Variants in ZC3H12B observed in about 807,000 individuals in gnomAD.
ZC3H12B encodes zinc finger CCCH-type containing 12B.
ZC3H12B carries 7 observed loss-of-function variants against 43.9 expected under a neutral mutation model. The observed-to-expected ratio is 0.16, with a 90% CI of 0.09 to 0.30. ZC3H12B has a LOEUF of 0.30. Ranked by LOEUF, ZC3H12B falls within the 10% of genes least tolerant of loss-of-function variation. ZC3H12B has a pLI of 1.00. For missense variants in ZC3H12B, 475 were observed against 670.2 expected (o/e 0.71, Z 3.22); for synonymous variants, 222 against 241.7 (o/e 0.92, Z 0.76).
At chrX:65,212,098 G>C in the ZC3H12B span, among the ~76,000 whole-genome samples, 15 of 53,711 alleles carry the variant, frequency 2.8e-4, no homozygotes, top group South Asian at 1.4e-3. Flanking sequence ...ATAATATATA[G>C]TATATATTGT....
At chrX:65,411,186 G>C (rs1234952564) in intron 3 of ZC3H12B, among the ~76,000 whole-genome samples, 1 of 112,122 alleles carries the variant, frequency 8.9e-6, no homozygotes, top group Admixed American at 9.4e-5. Flanking sequence ...ATTATGTTAA[G>C]TAAAATAAGC....
chrX:65,322,255 C>A, the ZC3H12B span, among the ~76,000 whole-genome samples: 2 of 111,565 alleles, frequency 1.8e-5, no homozygotes, highest in African/African-American at 6.5e-5. Flanking sequence ...ACTCACCCAC[C>A]ATCCCCCACC....
chrX:65,173,047 C>T, the ZC3H12B span, among the ~76,000 whole-genome samples: 2 of 112,027 alleles, frequency 1.8e-5, no homozygotes, highest in African/African-American at 3.2e-5. Flanking sequence ...TTGATTCTTC[C>T]TGTCCATGAG....
chrX:65,049,383 G>T, the ZC3H12B span, among the ~76,000 whole-genome samples: 2 of 111,093 alleles, frequency 1.8e-5, no homozygotes, highest in African/African-American at 3.3e-5. Flanking sequence ...TCATTCTTTT[G>T]CATGTAGATA....
At chrX:65,076,605 T>C in the ZC3H12B span, among the ~76,000 whole-genome samples, 1 of 111,348 alleles carries the variant, frequency 9.0e-6, no homozygotes, top group African/African-American at 3.3e-5. Flanking sequence ...ATTTTCTCTT[T>C]GTTTGGATTG....
At chrX:65,066,886 C>T in the ZC3H12B span, among the ~76,000 whole-genome samples, 3 of 111,813 alleles carry the variant, frequency 2.7e-5, no homozygotes, top group South Asian at 1.1e-3. Flanking sequence ...GGCTTTGCTG[C>T]CCTGCGGTGG....
chrX:65,417,168 G>A lies in ZC3H12B; in HGVS notation n.407+18464G>A, dbSNP rs747768469. Among the ~76,000 whole-genome samples, 349 of 111,745 alleles carry A rather than the reference G, an allele frequency of 3.1e-3. 2 individuals carry two copies. Among genetic ancestry groups the A allele is most frequent in the African/African-American group, 0.011 (335 of 30,813 alleles). On this transcript the variant is annotated intron_variant and non_coding_transcript_variant, in intron 3 of 5. Transcript: ENST00000617377. ...TAGGTCTGGGGTTCAGCATTTTAAT[G>A]GGCTCCTAGATAATACCTATGTACA...
At chrX:65,160,288 G>A in the ZC3H12B span, among the ~76,000 whole-genome samples, 4 of 111,893 alleles carry the variant, frequency 3.6e-5, no homozygotes, top group African/African-American at 9.7e-5. Context: ...AAATGAGTTA[G>A]GGAGGATTCC....
the ZC3H12B span, among the ~76,000 whole-genome samples, chrX:65,200,544 T>A: frequency 2.0e-5 from 2 of 102,460 alleles, no homozygotes; most frequent in Non-Finnish European, 3.9e-5. Flanking sequence ...GCGATTCTCC[T>A]ACCTCAGCCT....
At chrX:65,325,027 GTTA>G in the ZC3H12B span, among the ~76,000 whole-genome samples, 1 of 110,510 alleles carries the variant, frequency 9.0e-6, no homozygotes, top group Non-Finnish European at 1.9e-5. Context: ...TGATCTTTTT[GTTA>G]TTATGTAATG....
the ZC3H12B span, among the ~76,000 whole-genome samples, chrX:65,262,827 T>G: frequency 9.0e-6 from 1 of 110,627 alleles, no homozygotes; most frequent in African/African-American, 3.3e-5. Flanking sequence ...GTAAATATAT[T>G]AAATATCTGC....
chrX:65,495,062 A>C (rs185632836), intron 1 of ZC3H12B, among the ~76,000 whole-genome samples: 109 of 111,778 alleles, frequency 9.8e-4, no homozygotes, highest in Middle Eastern at 9.3e-3. Flanking sequence ...AGTTCATCCA[A>C]TATTAACCCT....
the ZC3H12B span, among the ~76,000 whole-genome samples, chrX:65,073,411 T>C: frequency 8.9e-6 from 1 of 112,036 alleles, no homozygotes; most frequent in Non-Finnish European, 1.9e-5. Flanking sequence ...AGCTACAATG[T>C]AGGCCCCCAG....
chrX:65,448,555 G>A (rs1404839835), intron 3 of ZC3H12B, among the ~76,000 whole-genome samples: 2 of 111,851 alleles, frequency 1.8e-5, no homozygotes, highest in African/African-American at 3.3e-5. Flanking sequence ...TGTGGCTCAT[G>A]CCTGTAATCT....
At chrX:65,104,217 T>C in the ZC3H12B span, among the ~76,000 whole-genome samples, 1 of 112,125 alleles carries the variant, frequency 8.9e-6, no homozygotes, top group Non-Finnish European at 1.9e-5. Context: ...ACTAGCCATA[T>C]GCTGAAAACA....
chrX:65,189,508 A>G, the ZC3H12B span, among the ~76,000 whole-genome samples: 2 of 108,825 alleles, frequency 1.8e-5, no homozygotes, highest in African/African-American at 6.8e-5. Flanking sequence ...GTGAGATGGT[A>G]TCTCATAGTG....
the ZC3H12B span, among the ~76,000 whole-genome samples, chrX:65,120,817 C>CGTCT: frequency 8.1e-5 from 9 of 111,277 alleles, no homozygotes; most frequent in South Asian, 3.4e-3. Context: ...TTTTGAGATA[C>CGTCT]GTCTCATCAA....
chrX:65,130,793 G>A, the ZC3H12B span, among the ~76,000 whole-genome samples: 1 of 111,590 alleles, frequency 9.0e-6, no homozygotes, highest in Non-Finnish European at 1.9e-5. Context: ...CAGTGGGGGA[G>A]TAGGTGGGAG....
chrX:65,317,770 C>CTATA, the ZC3H12B span, among the ~76,000 whole-genome samples: 2 of 99,418 alleles, frequency 2.0e-5, no homozygotes, highest in Admixed American at 1.1e-4. Flanking sequence ...CACACACACA[C>CTATA]TATATATATA....
Sources: gnomAD v4.1 joint callset for allele counts (sites outside exome capture counted in the v4.1 genomes callset) on GRCh38, gnomAD v4.1.1 for gene constraint, MANE v1.5 for transcripts, NCBI Gene and HGNC (gene_info 2026-07-23, HGNC 2026-07-21) for gene names.